ZNF480: variants seen among roughly 807,000 people sequenced by gnomAD.
The protein encoded by ZNF480 is zinc finger protein 480.
ZNF480 carries 15 observed loss-of-function variants against 14.4 expected under a neutral mutation model. The ratio of observed to expected loss-of-function variants is 1.04; its 90% CI spans 0.70 to 1.60. The LOEUF is 1.60. Ranked by LOEUF, ZNF480 falls within the 40% of genes most tolerant of loss-of-function variation. The pLI, the probability that ZNF480 is intolerant of heterozygous loss-of-function variation, is 0.00. For missense variants in ZNF480, 593 were observed against 629.7 expected (o/e 0.94, Z 0.62); for synonymous variants, 218 against 215.5 (o/e 1.01, Z -0.10).
intron 2 of ZNF480, among the ~76,000 whole-genome samples, chr19:52,305,176 A>G (rs557969165): frequency 1.3e-5 from 2 of 152,274 alleles, no homozygotes; most frequent in East Asian, 3.9e-4. Flanking sequence ...TTCACAATGC[A>G]ATATATAACT....
intron 4 of ZNF480, among the ~76,000 whole-genome samples, chr19:52,316,952 G>C (rs1983586617): frequency 6.6e-6 from 1 of 152,050 alleles, no homozygotes. Flanking sequence ...TTCATCCATT[G>C]GTGGACACCT....
At chr19:52,301,057 C>T (rs1490450946) in intron 2 of ZNF480, 4 of 152,910 alleles carry the variant, frequency 2.6e-5, no homozygotes, top group African/African-American at 9.7e-5. Flanking sequence ...AAAAATCCTG[C>T]TTATGGCCAA....
intron 1 of ZNF480, among the ~76,000 whole-genome samples, chr19:52,298,943 T>C (rs1025206504): frequency 1.3e-5 from 2 of 152,176 alleles, no homozygotes; most frequent in Non-Finnish European, 2.9e-5. Context: ...GGTGAGTTGA[T>C]TGGATATTAT....
intron 1 of ZNF480, among the ~76,000 whole-genome samples, chr19:52,298,186 G>A (rs1240404167): frequency 6.6e-6 from 1 of 152,090 alleles, no homozygotes; most frequent in Admixed American, 6.6e-5. Flanking sequence ...GTGGTGCTGG[G>A]ACAGCAAGAG....
chr19:52,317,765 A>G (rs1220917867), intron 4 of ZNF480, among the ~76,000 whole-genome samples: 2 of 152,208 alleles, frequency 1.3e-5, no homozygotes, highest in African/African-American at 2.4e-5. Context: ...ACTTGTTTCC[A>G]TAGTGACTGC....
Position 52,322,826 on chromosome 19 carries a change from C to A in ZNF480, c.1576C>A (p.Leu526Ile). Residue 526 changes from leucine to isoleucine, a missense_variant, in exon 5 of 5, where the codon CTA (leucine) becomes ATA (isoleucine). Leu to Ile is a conservative substitution (Grantham distance 5, BLOSUM62 2). Transcript: ENST00000595962. The part of the protein sequence containing the change: ...CGKAFSRISY[L>I]AQHWTIHMG ...CAAGGCCTTTAGTCGCATTTCATAC[C>A]TAGCACAACATTGGACAATTCATAT... The A allele has an allele frequency of 6.2e-7, 1 of 1,601,652 alleles. No homozygotes were observed. The highest frequency in any genetic ancestry group is 8.5e-7 in the Non-Finnish European group (1 of 1,172,542).
At position 52,321,998 on chromosome 19, in the gene ZNF480, T is replaced by C. The variant is rs747750838; in HGVS notation, c.748T>C (p.Cys250Arg). 41 of 1,612,308 alleles carry C rather than the reference T, an allele frequency of 2.5e-5. No homozygotes were observed. The highest frequency in any genetic ancestry group is 3.4e-5 in the Non-Finnish European group (40 of 1,178,652). The change falls in exon 5 of 5, where the codon TGT becomes CGT. Residue 250 changes from cysteine to arginine, a missense_variant. Physicochemically the swap from Cys to Arg is radical, Grantham distance 180. Coordinates refer to ENST00000595962, the MANE Select transcript of ZNF480 (RefSeq NM_144684.4). ...FSRNSHLAEH[C>R]RIHTGEKPYK... Reference sequence around the variant, plus strand: ...TCGCAATTCACACCTTGCAGAACATTGTAGAATTCATACTGGAGAGAAACC... The same window carrying C: ...TCGCAATTCACACCTTGCAGAACATCGTAGAATTCATACTGGAGAGAAACC...
chr19:52,302,078 A>G (rs780825727), intron 2 of ZNF480: 2 of 243,758 alleles, frequency 8.2e-6, no homozygotes, highest in Non-Finnish European at 1.6e-5. Flanking sequence ...CATCTGGCTC[A>G]TGATAAGGTT....
In ZNF480 at chr19:52,314,133, A is replaced by G. The variant is rs368575317; in HGVS notation, c.73-20A>G. ...ATACCCTTTACATATCCTGTTGGTGAAATGTGGTTTTCATTTTAGGGACAC... is the reference window on the plus strand; with the variant it reads ...ATACCCTTTACATATCCTGTTGGTGGAATGTGGTTTTCATTTTAGGGACAC... On this transcript the variant is annotated intron_variant, in intron 2 of 4. Transcript: ENST00000595962. 6 of 1,548,252 alleles carry G rather than the reference A, an allele frequency of 3.9e-6. No homozygotes were observed. In the African/African-American group the frequency reaches 8.2e-5, roughly 21 times the overall value.
At chr19:52,313,102 T>C (rs1983367121) in intron 2 of ZNF480, among the ~76,000 whole-genome samples, 1 of 151,294 alleles carries the variant, frequency 6.6e-6, no homozygotes, top group South Asian at 2.1e-4. Context: ...ATTACAGGCG[T>C]GAGCCACCGC....
Position 52,321,707 on chromosome 19 carries a change from C to A in ZNF480, c.457C>A (p.Gln153Lys). The stretch of plus-strand genomic sequence containing the variant: ...TGAAAGGGTAATAAATGGATGTAAT[C>A]AAGTTGAAAACTTTATCAACCACAG... ...PDERVINGCN[Q>K]VENFINHSSS... The change falls in exon 5 of 5, where the codon CAA becomes AAA. Residue 153 changes from glutamine to lysine, a missense_variant. Transcript: ENST00000595962. 6.2e-7 allele frequency: 1 copy of A among 1,613,922 alleles called. No homozygotes were observed. The highest frequency in any genetic ancestry group is 2.2e-5 in the East Asian group (1 of 44,884).
At chr19:52,313,891 A>G in intron 2 of ZNF480, 1 of 388,828 alleles carries the variant, frequency 2.6e-6, no homozygotes, top group South Asian at 1.8e-5. Flanking sequence ...AGGCACAAGA[A>G]TTGATTGAAC....
In ZNF480 at chr19:52,321,678, C is replaced by T. The variant is rs776526189; in HGVS notation, c.428C>T (p.Pro143Leu). 9.9e-6 allele frequency: 16 copies of T among 1,613,994 alleles called. No homozygotes were observed. The highest frequency in any genetic ancestry group is 1.4e-5 in the Non-Finnish European group (16 of 1,179,938). The change falls in exon 5 of 5, where the codon CCA becomes CTA. Residue 143 changes from proline (P) to leucine (L), a missense_variant. By Grantham distance (98) the Pro-to-Leu change is moderately conservative. Coordinates refer to ENST00000595962, the MANE Select transcript of ZNF480 (RefSeq NM_144684.4). ...HLHLSELELF[P>L]DERVINGCNQ... Reference sequence around the variant, plus strand: ...CATCTGTCTGAACTGGAGCTATTTCCAGATGAAAGGGTAATAAATGGATGT... The same window carrying T: ...CATCTGTCTGAACTGGAGCTATTTCTAGATGAAAGGGTAATAAATGGATGT...
At position 52,323,825 on chromosome 19, in the gene ZNF480, G is replaced by A. The variant is rs532073349; in HGVS notation, c.*967G>A. On this transcript the variant is annotated 3_prime_UTR_variant, in exon 5 of 5. Coordinates refer to ENST00000595962, the MANE Select transcript of ZNF480 (RefSeq NM_144684.4). ...TACTTCAATAAGAACCATCTATGCT[G>A]GACTCACAGCCAAATTAATACTGAA... 6.6e-6 allele frequency: 1 copy of A among 152,202 alleles called. No individual in the cohort carries two copies. The highest frequency in any genetic ancestry group is 2.1e-4 in the South Asian group (1 of 4,822). 9.4% of individuals were successfully genotyped at this position (152,202 alleles called of 1,614,324 possible). A position where few individuals can be genotyped will look rare whatever the true frequency, so the allele number is the denominator to read the frequency against.
intron 2 of ZNF480, 97 bp from the exon 3 acceptor site, chr19:52,314,056 T>G: frequency 7.6e-7 from 1 of 1,318,862 alleles, no homozygotes; most frequent in Non-Finnish European, 1.0e-6. Flanking sequence ...CAGAACATTC[T>G]CTTCAATCCA....
chr19:52,311,985 C>T (rs1440941161), intron 2 of ZNF480, among the ~76,000 whole-genome samples: 1 of 151,890 alleles, frequency 6.6e-6, no homozygotes, highest in Non-Finnish European at 1.5e-5. Flanking sequence ...ATGAGCAAGC[C>T]TATGGTTTTA....
In ZNF480 at chr19:52,322,668, A is replaced by T. The variant is rs1165021159; in HGVS notation, c.1418A>T (p.His473Leu). The change falls in exon 5 of 5, where the codon CAT (histidine) becomes CTT (leucine). Residue 473 changes from histidine (H) to leucine (L), a missense_variant. Transcript: ENST00000595962. ...AGACACAAGTTATCACTAACCAATC[A>T]TCAGAGAATCCATACTGGAGAAAGA... Reference protein sequence around the residue: ...AFRHKLSLTNHQRIHTGERPY... With the variant: ...AFRHKLSLTNLQRIHTGERPY... 3 of 1,613,748 alleles carry T rather than the reference A, an allele frequency of 1.9e-6. No homozygotes were observed. Among genetic ancestry groups the T allele is most frequent in the Non-Finnish European group, 1.7e-6 (2 of 1,179,856 alleles).
At chr19:52,308,368 G>A (rs890678907) in intron 2 of ZNF480, among the ~76,000 whole-genome samples, 3 of 146,586 alleles carry the variant, frequency 2.0e-5, no homozygotes, top group Non-Finnish European at 4.5e-5. Context: ...GTACAGTAGC[G>A]CAATCTCGGC....
chr19:52,308,800 GAT>G (rs2122531168), intron 2 of ZNF480: 1 of 100,458 alleles, frequency 1.0e-5, no homozygotes, highest in Non-Finnish European at 2.4e-5. Context: ...GATTGGAGCA[GAT>G]TTTTTTTTTT....
Sources: allele counts gnomAD v4.1 joint callset (sites outside exome capture counted in the v4.1 genomes callset), GRCh38; gene constraint gnomAD v4.1.1; transcripts MANE v1.5; gene names NCBI Gene and HGNC (gene_info 2026-07-23, HGNC 2026-07-21).